The following FAM53A variants were observed in gnomAD, a reference collection of about 807,000 sequenced individuals.
FAM53A encodes the protein protein FAM53A.
In FAM53A, 28 loss-of-function variants were observed where a neutral mutation model predicts 26.6. That is an observed-to-expected ratio of 1.05 (90% CI 0.78 to 1.45). The LOEUF (loss-of-function observed/expected upper bound fraction) is 1.45, where lower values mean the gene tolerates loss of function less well. FAM53A is among the 40% of genes most tolerant of loss of function. The pLI, the probability that FAM53A is intolerant of heterozygous loss-of-function variation, is 0.00. For missense variants in FAM53A, 650 were observed against 575.8 expected, an observed-to-expected ratio of 1.13 and a Z score of -1.32; for synonymous variants, 290 against 253.1, an observed-to-expected ratio of 1.15 and a Z score of -1.38.
At chr4:1,603,398 G>T in the FAM53A span, among the ~76,000 whole-genome samples, 1 of 152,226 alleles carries the variant, frequency 6.6e-6, no homozygotes, top group Non-Finnish European at 1.5e-5. Context: ...GCCGACCACA[G>T]CAACAGAGAG....
the FAM53A span, among the ~76,000 whole-genome samples, chr4:1,603,450 G>C: frequency 6.6e-6 from 1 of 152,206 alleles, no homozygotes; most frequent in Non-Finnish European, 1.5e-5. Context: ...CAGGACAGGA[G>C]AGGACACCCT....
At chr4:1,583,909 T>C in the FAM53A span, among the ~76,000 whole-genome samples, 2 of 152,256 alleles carry the variant, frequency 1.3e-5, no homozygotes, top group African/African-American at 2.4e-5. Context: ...TCACTGCTGT[T>C]TCCATTTGCG....
the FAM53A span, among the ~76,000 whole-genome samples, chr4:1,592,839 C>A: frequency 6.6e-6 from 1 of 152,292 alleles, no homozygotes; most frequent in East Asian, 1.9e-4. Context: ...GCACCACGTC[C>A]CACCCGCACA....
At chr4:1,629,694 C>A (rs1715524303) in intron 1 of FAM53A, among the ~76,000 whole-genome samples, 1 of 152,236 alleles carries the variant, frequency 6.6e-6, no homozygotes, top group East Asian at 1.9e-4. Context: ...GGCTCTCAGG[C>A]CCAGACTCAG....
intron 4 of FAM53A, among the ~76,000 whole-genome samples, chr4:1,642,707 G>A (rs572623176): frequency 6.0e-5 from 6 of 99,592 alleles, no homozygotes; most frequent in South Asian, 7.5e-4. Context: ...CAAGTCCCCC[G>A]TCTGTGGTGC....
At chr4:1,585,237 C>T in the FAM53A span, among the ~76,000 whole-genome samples, 1 of 149,658 alleles carries the variant, frequency 6.7e-6, no homozygotes, top group African/African-American at 2.5e-5. Context: ...AAATTTTGTA[C>T]CTTTTGACTA....
At chr4:1,657,638 G>A (rs1397719151) in intron 2 of FAM53A, among the ~76,000 whole-genome samples, 170 bp from the exon 3 acceptor site, 1 of 152,084 alleles carries the variant, frequency 6.6e-6, no homozygotes, top group Non-Finnish European at 1.5e-5. Context: ...TGAGTAAATG[G>A]ACAATTTTTT....
upstream of FAM53A, among the ~76,000 whole-genome samples, chr4:1,684,609 T>TGGC (rs1470548912): frequency 1.3e-5 from 2 of 151,326 alleles, no homozygotes; most frequent in African/African-American, 2.4e-5. Context: ...GCAAGACCTG[T>TGGC]GGCGGCGGCG....
the FAM53A span, among the ~76,000 whole-genome samples, chr4:1,590,340 T>C: frequency 1.8e-4 from 27 of 152,238 alleles, no homozygotes; most frequent in Non-Finnish European, 3.2e-4. Context: ...CTTTTAAGTG[T>C]CCCTCCCTTT....
the FAM53A span, among the ~76,000 whole-genome samples, chr4:1,599,622 C>G: frequency 6.6e-6 from 1 of 152,192 alleles, no homozygotes; most frequent in Admixed American, 6.5e-5. This position sits in a 1 kb window ranked among gnomAD's most constrained non-coding sequence, Gnocchi z 6.1. Flanking sequence ...CCTCCCCTAC[C>G]TCTGCAAGAG....
downstream of FAM53A, among the ~76,000 whole-genome samples, chr4:1,637,408 AG>A (rs1272034902): frequency 1.3e-5 from 2 of 152,126 alleles, no homozygotes; most frequent in Non-Finnish European, 2.9e-5. Flanking sequence ...GTTGGGGGTG[AG>A]GCCAGCCCTC....
chr4:1,589,073 G>T, the FAM53A span, among the ~76,000 whole-genome samples: 1 of 152,182 alleles, frequency 6.6e-6, no homozygotes, highest in Non-Finnish European at 1.5e-5. Context: ...TATGGGAGAT[G>T]CTGTGTAAAG....
chr4:1,585,796 C>T, the FAM53A span, among the ~76,000 whole-genome samples: 1 of 152,164 alleles, frequency 6.6e-6, no homozygotes, highest in East Asian at 1.9e-4. Context: ...GCAATCTTGG[C>T]TTACTGCAGC....
intron 1 of FAM53A, among the ~76,000 whole-genome samples, chr4:1,623,231 G>A (rs1421935142): frequency 6.6e-6 from 1 of 152,238 alleles, no homozygotes; most frequent in Non-Finnish European, 1.5e-5. Flanking sequence ...GTGTCCAGCT[G>A]CAGGTGGACC....
At chr4:1,598,256 G>A in the FAM53A span, among the ~76,000 whole-genome samples, 11 of 152,234 alleles carry the variant, frequency 7.2e-5, no homozygotes, top group African/African-American at 2.2e-4. Context: ...AAGGCACAGC[G>A]GACTGCCTGC....
chr4:1,675,768 A>G (rs1436269934), intron 1 of FAM53A, among the ~76,000 whole-genome samples: 1 of 152,194 alleles, frequency 6.6e-6, no homozygotes, highest in African/African-American at 2.4e-5. Context: ...CCCTTAGGAC[A>G]GAGGCCAAAA....
intron 3 of FAM53A, among the ~76,000 whole-genome samples, chr4:1,656,420 A>C (rs985317867): frequency 1.3e-5 from 2 of 151,936 alleles, no homozygotes; most frequent in Non-Finnish European, 2.9e-5. Context: ...TGTCCAGCTG[A>C]GGAACTTGGA....
rs147759105 is a variant in FAM53A at position 1,679,542 on chromosome 4, C to T, written c.-165+4691G>A. On this transcript the variant is annotated intron_variant, in intron 1 of 4. Transcript: ENST00000308132. ...CTCTACTAAAACTACAAAAATTAGC[C>T]TGGCGTGGTGGCACGCACCTGTAAT... 1.7e-3 allele frequency among the ~76,000 whole-genome samples: 253 copies of T among 149,808 alleles called. 2 individuals carry two copies. In the East Asian group the frequency reaches 0.036, roughly 21 times the overall value.
At chr4:1,647,022 T>G (rs1469831946) in intron 4 of FAM53A, among the ~76,000 whole-genome samples, 2 of 152,134 alleles carry the variant, frequency 1.3e-5, no homozygotes, top group Non-Finnish European at 2.9e-5. Flanking sequence ...GCTTTGCCAA[T>G]AAAAACAGAA....
Sources: allele counts gnomAD v4.1 joint callset (sites outside exome capture counted in the v4.1 genomes callset), GRCh38; gene constraint gnomAD v4.1.1; non-coding constraint Gnocchi (gnomAD v3.1); transcripts MANE v1.5; gene names NCBI Gene and HGNC (gene_info 2026-07-23, HGNC 2026-07-21).